The following PDE1C variants were observed in gnomAD, a reference collection of about 807,000 sequenced individuals.
PDE1C encodes the protein phosphodiesterase 1C, also known as dual specificity calcium/calmodulin-dependent 3',5'-cyclic nucleotide phosphodiesterase 1C.
A neutral mutation model predicts 93.1 loss-of-function variants in PDE1C; 62 were observed. The observed-to-expected ratio is 0.67, with a 90% CI of 0.54 to 0.82. PDE1C has a LOEUF of 0.82. Among genes scored for constraint, PDE1C ranks in the 40% least tolerant of loss-of-function variants. PDE1C has a pLI of 0.00. For missense variants in PDE1C, 742 were observed against 884.6 expected (o/e 0.84, Z 2.04); for synonymous variants, 325 against 310.1 (o/e 1.05, Z -0.50).
At chr7:31,924,081 T>C (rs970153617) in intron 2 of PDE1C, among the ~76,000 whole-genome samples, 3 of 152,200 alleles carry the variant, frequency 2.0e-5, no homozygotes, top group African/African-American at 7.2e-5. Flanking sequence ...CTAGCACTGT[T>C]CATTTAGAGT....
At chr7:31,783,019 T>C (rs1287589117) in intron 16 of PDE1C, among the ~76,000 whole-genome samples, 4 of 152,332 alleles carry the variant, frequency 2.6e-5, no homozygotes, top group Middle Eastern at 6.8e-3. Context: ...AATGAGTTTA[T>C]TGGGACGTGA....
intron 2 of PDE1C, among the ~76,000 whole-genome samples, chr7:32,047,634 C>G (rs750549468): frequency 6.6e-6 from 1 of 152,002 alleles, no homozygotes; most frequent in African/African-American, 2.4e-5. Context: ...ATGCCTCGTA[C>G]TTGGTGAAAT....
chr7:31,852,394 A>C (rs1793457678), intron 7 of PDE1C, among the ~76,000 whole-genome samples: 1 of 152,220 alleles, frequency 6.6e-6, no homozygotes, highest in South Asian at 2.1e-4. Flanking sequence ...AAACAGACTA[A>C]GATGAAAATC....
intron 1 of PDE1C, among the ~76,000 whole-genome samples, chr7:32,350,426 A>T (rs1270562953): frequency 1.3e-5 from 2 of 152,108 alleles, no homozygotes; most frequent in South Asian, 4.1e-4. Flanking sequence ...CAATTCCTTA[A>T]TATCATCAAA....
At chr7:32,252,710 C>A (rs1424177256) in intron 1 of PDE1C, among the ~76,000 whole-genome samples, 1 of 152,258 alleles carries the variant, frequency 6.6e-6, no homozygotes, top group Middle Eastern at 3.4e-3. Context: ...GCCTCGCAGC[C>A]CAGTGCTGCT....
intron 2 of PDE1C, among the ~76,000 whole-genome samples, chr7:32,024,030 T>G (rs115383823): frequency 0.011 from 1,749 of 152,276 alleles, 36 homozygotes; most frequent in African/African-American, 0.039. Flanking sequence ...CCCCATACAT[T>G]TCTTTGTGAG....
chr7:31,966,444 C>T (rs1277318623), intron 2 of PDE1C, among the ~76,000 whole-genome samples: 1 of 152,162 alleles, frequency 6.6e-6, no homozygotes, highest in Non-Finnish European at 1.5e-5. Context: ...CACAGGAGCA[C>T]CCAGATTCAT....
intron 3 of PDE1C, among the ~76,000 whole-genome samples, chr7:32,092,424 C>G (rs1195260668): frequency 1.3e-5 from 2 of 152,170 alleles, no homozygotes; most frequent in African/African-American, 2.4e-5. Flanking sequence ...GAGCTCTGGG[C>G]AGATGCTGAC....
intron 2 of PDE1C, among the ~76,000 whole-genome samples, chr7:31,903,212 A>G (rs2128923821): frequency 6.6e-6 from 1 of 152,070 alleles, no homozygotes; most frequent in South Asian, 2.1e-4. Context: ...CTGAAAGAAA[A>G]TTAAAAATTT....
At chr7:32,100,173 AGAAAG>A (rs886894216) in intron 3 of PDE1C, among the ~76,000 whole-genome samples, 2 of 152,230 alleles carry the variant, frequency 1.3e-5, no homozygotes, top group Non-Finnish European at 2.9e-5. Flanking sequence ...ACAGTATAGA[AGAAAG>A]GAAGGGAGGG....
At chr7:31,935,101 T>C (rs1804856929) in intron 2 of PDE1C, among the ~76,000 whole-genome samples, 2 of 152,206 alleles carry the variant, frequency 1.3e-5, no homozygotes, top group South Asian at 4.1e-4. Flanking sequence ...AAAACTCGAA[T>C]GCCTTCTCTA....
At position 31,861,610 on chromosome 7, in the gene PDE1C, A is replaced by T. The variant is rs183727634; in HGVS notation, c.750+3332T>A. 1.6e-3 allele frequency among the ~76,000 whole-genome samples: 240 copies of T among 152,172 alleles called. 1 individual carries two copies. The highest frequency in any genetic ancestry group is 2.9e-3 in the South Asian group (14 of 4,816). On this transcript the variant is annotated intron_variant, in intron 7 of 17. Coordinates refer to ENST00000396191, the MANE Select transcript of PDE1C (RefSeq NM_001191057.4). ...CTGTTTATCAAACCAAGAATCTAAG[A>T]TGTATTCTCGATTCCCCTCTTTAAT... is the stretch of plus-strand genomic sequence containing the variant.
intron 2 of PDE1C, among the ~76,000 whole-genome samples, chr7:32,176,149 G>T (rs986992640): frequency 6.6e-6 from 1 of 152,144 alleles, no homozygotes; most frequent in Non-Finnish European, 1.5e-5. Context: ...TCCCCTTTGA[G>T]AAGTCTCTTG....
intron 11 of PDE1C, among the ~76,000 whole-genome samples, chr7:31,834,744 A>G (rs1041666942): frequency 1.3e-5 from 2 of 151,994 alleles, no homozygotes; most frequent in Non-Finnish European, 2.9e-5. Context: ...GTCTCAGATG[A>G]GACTTCGAAC....
chr7:31,686,135 G>T, the PDE1C span, among the ~76,000 whole-genome samples: 1 of 152,176 alleles, frequency 6.6e-6, no homozygotes, highest in Non-Finnish European at 1.5e-5. Flanking sequence ...TGGTGCTCAC[G>T]TATCTTCTGT....
chr7:32,337,291 C>G (rs982452594), intron 1 of PDE1C, among the ~76,000 whole-genome samples: 1 of 152,096 alleles, frequency 6.6e-6, no homozygotes, highest in African/African-American at 2.4e-5. Flanking sequence ...AAGGCAGACA[C>G]GTACCCTGAA....
intron 3 of PDE1C, among the ~76,000 whole-genome samples, chr7:32,122,029 T>G (rs1490492953): frequency 2.0e-5 from 3 of 152,148 alleles, no homozygotes; most frequent in Non-Finnish European, 4.4e-5. Context: ...GAGGAAAATT[T>G]ACCAAGCAAA....
At position 31,824,970 on chromosome 7, in the gene PDE1C, C is replaced by T. The variant is rs187542698; in HGVS notation, c.1303G>A (p.Val435Met). The T allele has an allele frequency of 5.0e-6, 8 of 1,613,196 alleles. No individual in the cohort carries two copies. Among genetic ancestry groups the T allele is most frequent in the South Asian group, 2.2e-5 (2 of 91,058 alleles). The change falls in exon 13 of 18, where the codon GTG (valine) becomes ATG (methionine). Residue 435 changes from valine to methionine, a missense_variant. Physicochemically the swap from Val to Met is conservative, Grantham distance 21 (BLOSUM62 1). This residue lies in a region of PDE1C where 454 missense variants were observed against 459.4 expected (regional missense o/e 0.99). Transcript: ENST00000396191. The stretch of plus-strand genomic sequence containing the variant: ...GTAAGCACAGTGAAGGTGGGTTCCA[C>T]GATGAAATCAATGAAACCTGAAGAG... Reference protein sequence around the residue: ...QSQVGFIDFIVEPTFTVLTDM... With the variant: ...QSQVGFIDFIMEPTFTVLTDM...
At chr7:32,187,556 A>G (rs934487483) in intron 2 of PDE1C, among the ~76,000 whole-genome samples, 4 of 150,458 alleles carry the variant, frequency 2.7e-5, no homozygotes, top group Non-Finnish European at 5.9e-5. Flanking sequence ...TCTGTTTTCT[A>G]ATTTTATGTC....
Sources: gnomAD v4.1 joint callset for allele counts (sites outside exome capture counted in the v4.1 genomes callset) on GRCh38, gnomAD v4.1.1 for gene constraint, gnomAD v4.1.1 regional missense constraint, MANE v1.5 for transcripts, NCBI Gene and HGNC (gene_info 2026-07-23, HGNC 2026-07-21) for gene names.